Variants in THSD7A observed in about 807,000 individuals in gnomAD.
The protein encoded by THSD7A is thrombospondin type 1 domain containing 7A.
Under a neutral mutation model 231.3 loss-of-function variants are expected in THSD7A, and 96 were observed. The observed-to-expected ratio is 0.41, with a 90% confidence interval of 0.35 to 0.49. THSD7A has a LOEUF of 0.49. Ranked by LOEUF, THSD7A falls within the 20% of genes least tolerant of loss-of-function variation. THSD7A has a pLI of 0.05. For missense variants in THSD7A, 2,290 were observed against 2,070.2 expected (o/e 1.11, Z -2.06); for synonymous variants, 940 against 743.3 (o/e 1.26, Z -4.30).
At chr7:11,586,193 T>C (rs754838523) in intron 4 of THSD7A, among the ~76,000 whole-genome samples, 20 of 152,192 alleles carry the variant, frequency 1.3e-4, no homozygotes, top group Non-Finnish European at 2.8e-4. Context: ...AAACTTTATA[T>C]GCCTGTTTGT....
chr7:11,778,156 CAAAAAAAAAAAAAA>C (rs57740181), intron 1 of THSD7A, among the ~76,000 whole-genome samples: 2 of 45,066 alleles, frequency 4.4e-5, no homozygotes, highest in Admixed American at 6.4e-4. Context: ...GACTCCGTCT[CAAAAAAAAAAAAAA>C]AAAAAAAAGA....
chr7:11,546,290 C>T (rs1242687962), intron 4 of THSD7A, among the ~76,000 whole-genome samples: 1 of 152,114 alleles, frequency 6.6e-6, no homozygotes, highest in Non-Finnish European at 1.5e-5. Flanking sequence ...AGTGTGGACC[C>T]CATTGTCACC....
At chr7:11,644,100 G>A (rs1195102343) in intron 1 of THSD7A, among the ~76,000 whole-genome samples, 1 of 150,036 alleles carries the variant, frequency 6.7e-6, no homozygotes, top group East Asian at 1.9e-4. Context: ...TGTGTATTGT[G>A]GTTTCCAGAA....
chr7:11,700,602 T>A lies in THSD7A; in HGVS notation c.191-63641A>T, dbSNP rs543080289. 8.5e-4 allele frequency among the ~76,000 whole-genome samples: 128 copies of A among 151,356 alleles called. 1 individual carries two copies. The highest frequency in any genetic ancestry group is 3.0e-3 in the African/African-American group (126 of 41,446). On this transcript the variant is annotated intron_variant, in intron 1 of 27. Transcript: ENST00000423059. ...TAAAATTGTAGTTGGAGTGTTTTCA[T>A]GTTTTGTTCATTTACATATAGTCCC...
At chr7:11,556,603 A>T (rs1789856596) in intron 4 of THSD7A, among the ~76,000 whole-genome samples, 1 of 151,808 alleles carries the variant, frequency 6.6e-6, no homozygotes. Flanking sequence ...TCTTCCTTTA[A>T]TCTTTCGTTT....
intron 23 of THSD7A, among the ~76,000 whole-genome samples, chr7:11,390,554 C>G (rs575546413): frequency 6.6e-6 from 1 of 152,272 alleles, no homozygotes; most frequent in East Asian, 1.9e-4. Flanking sequence ...AGAACATGCT[C>G]TTTTAGCTCA....
intron 1 of THSD7A, among the ~76,000 whole-genome samples, chr7:11,645,233 A>G (rs1418416464): frequency 6.6e-6 from 1 of 151,672 alleles, no homozygotes. Flanking sequence ...TATTTATTTA[A>G]TTGGTTTCTA....
At chr7:11,795,363 G>C (rs1037540159) in intron 1 of THSD7A, among the ~76,000 whole-genome samples, 13 of 151,838 alleles carry the variant, frequency 8.6e-5, no homozygotes, top group South Asian at 6.2e-4. Flanking sequence ...ACCCCTACTG[G>C]TATCAGCAAG....
intron 4 of THSD7A, among the ~76,000 whole-genome samples, chr7:11,546,195 G>GGCGCAC (rs1554335256): frequency 2.5e-5 from 2 of 78,696 alleles, no homozygotes; most frequent in South Asian, 4.1e-4. Context: ...TGCTGGTGTG[G>GGCGCAC]GCGCGCGCTC....
At chr7:11,796,990 A>T (rs1295583328) in intron 1 of THSD7A, among the ~76,000 whole-genome samples, 2 of 152,022 alleles carry the variant, frequency 1.3e-5, no homozygotes, top group South Asian at 2.1e-4. Context: ...TTCTGATTTG[A>T]CTTGAATGTC....
chr7:11,444,319 T>C lies in THSD7A; in HGVS notation c.3064+1742A>G, dbSNP rs1764048533. On this transcript the variant is annotated intron_variant, in intron 13 of 27. Coordinates refer to ENST00000423059, the MANE Select transcript of THSD7A (RefSeq NM_015204.3). The surrounding 1 kb of genome is among the most constrained non-coding windows in gnomAD (Gnocchi z 4.2). ...TACTGGGTATATACCCGAAGGATTATAAATCATTCTACTATAAAGACACAT... is the reference window on the plus strand; with the variant it reads ...TACTGGGTATATACCCGAAGGATTACAAATCATTCTACTATAAAGACACAT... 6.6e-6 allele frequency among the ~76,000 whole-genome samples: 1 copy of C among 152,120 alleles called. No homozygotes were observed. Among genetic ancestry groups the C allele is most frequent in the Admixed American group, 6.6e-5 (1 of 15,256 alleles).
chr7:11,790,918 G>A (rs920702323), intron 1 of THSD7A, among the ~76,000 whole-genome samples: 2 of 151,678 alleles, frequency 1.3e-5, no homozygotes, highest in Non-Finnish European at 2.9e-5. Flanking sequence ...ACATCTCTAA[G>A]TCCCTTCATT....
chr7:11,453,326 C>CTT (rs5882310), intron 11 of THSD7A, among the ~76,000 whole-genome samples: 108 of 146,808 alleles, frequency 7.4e-4, no homozygotes, highest in African/African-American at 2.3e-3. Flanking sequence ...TTTCTTTTAC[C>CTT]TTTTTTTTTT....
At chr7:11,771,289 T>A (rs1053821014) in intron 1 of THSD7A, among the ~76,000 whole-genome samples, 1 of 151,684 alleles carries the variant, frequency 6.6e-6, no homozygotes, top group African/African-American at 2.4e-5. Context: ...TAAAGATGAA[T>A]AAGTGATCAC....
chr7:11,385,749 G>C (rs1007133647), intron 23 of THSD7A: 4 of 151,776 alleles, frequency 2.6e-5, no homozygotes, highest in African/African-American at 4.8e-5. Flanking sequence ...TACTGCCAAG[G>C]TTATACTCTC....
chr7:11,459,086 T>C (rs1011506789), intron 11 of THSD7A, among the ~76,000 whole-genome samples: 2 of 152,206 alleles, frequency 1.3e-5, no homozygotes, highest in Non-Finnish European at 2.9e-5. Context: ...TATAAAGATA[T>C]GGTTTTCATC....
chr7:11,721,553 T>C (rs934958023), intron 1 of THSD7A, among the ~76,000 whole-genome samples: 3 of 151,668 alleles, frequency 2.0e-5, no homozygotes, highest in Non-Finnish European at 4.4e-5. Context: ...TCTTCATAAG[T>C]TACCTAGTCT....
chr7:11,609,877 G>C (rs1780864779), intron 2 of THSD7A, among the ~76,000 whole-genome samples: 1 of 151,866 alleles, frequency 6.6e-6, no homozygotes, highest in Non-Finnish European at 1.5e-5. Context: ...GGCCTGGAGA[G>C]AGTAAAAAGA....
chr7:11,831,870 A>AGCG lies in THSD7A; in HGVS notation c.76_77insCGC (p.Leu25_Leu26insPro), dbSNP rs1785207549. 7.8e-7 allele frequency: 1 copy of AGCG among 1,288,422 alleles called. No individual in the cohort carries two copies. The highest frequency in any genetic ancestry group is 3.1e-5 in the East Asian group (1 of 31,936). 79.8% of individuals were successfully genotyped at this position (1,288,422 alleles called of 1,614,324 possible). A position where few individuals can be genotyped will look rare whatever the true frequency, so the allele number is the denominator to read the frequency against. ...CAGCGGCAGCGGCAGCGGCAGCGGCAGCAGCTGCAGGACGCCCCGGCGCGG... is the reference window on the plus strand; with the variant it reads ...CAGCGGCAGCGGCAGCGGCAGCGGCAGCGGCAGCTGCAGGACGCCCCGGCGCGG... On this transcript the variant is annotated inframe_insertion, in exon 1 of 28. Coordinates refer to ENST00000423059, the MANE Select transcript of THSD7A (RefSeq NM_015204.3). The surrounding 1 kb of genome is among the most constrained non-coding windows in gnomAD (Gnocchi z 5.0).
Sources: gnomAD v4.1 joint callset for allele counts (sites outside exome capture counted in the v4.1 genomes callset) on GRCh38, gnomAD v4.1.1 for gene constraint, Gnocchi (gnomAD v3.1) non-coding constraint, MANE v1.5 for transcripts, NCBI Gene and HGNC (gene_info 2026-07-23, HGNC 2026-07-21) for gene names.